The following VCL variants were observed in gnomAD, a reference collection of about 807,000 sequenced individuals.
VCL encodes the protein vinculin, also known as epididymis luminal protein 114.
Under a neutral mutation model 125.7 loss-of-function variants are expected in VCL, and 47 were observed. That is an observed-to-expected ratio of 0.37 (90% CI 0.30 to 0.48). VCL has a LOEUF of 0.48. Ranked by LOEUF, VCL falls within the 20% of genes least tolerant of loss-of-function variation. The pLI is 0.99. For synonymous variants in VCL, 458 were observed against 514.6 expected (o/e 0.89, Z 1.49); for missense variants, 1,069 against 1,455.5 (o/e 0.73, Z 4.32).
intron 8 of VCL, among the ~76,000 whole-genome samples, chr10:74,087,299 TTTTA>T (rs1042392021): frequency 4.0e-5 from 6 of 149,648 alleles, no homozygotes; most frequent in South Asian, 4.2e-4. Context: ...AACAGAATAA[TTTTA>T]TTTATTTATT....
In VCL at chr10:74,071,120, A is replaced by T. The variant is rs769309723; in HGVS notation, c.499+37A>T. 18 of 1,601,100 alleles carry T rather than the reference A, an allele frequency of 1.1e-5. No homozygotes were observed. The South Asian group carries it at 2.0e-4, about 18-fold the overall frequency. On this transcript the variant is annotated intron_variant, in intron 4 of 21. Coordinates refer to ENST00000211998, the MANE Select transcript of VCL (RefSeq NM_014000.3). This position sits in a 1 kb window ranked among gnomAD's most constrained non-coding sequence, Gnocchi z 4.1. ...CCAATTTCTATAACATTTTTTAAGGATTGTCCATGTTGGAGCCAAAGGAAA... is the reference window on the plus strand; with the variant it reads ...CCAATTTCTATAACATTTTTTAAGGTTTGTCCATGTTGGAGCCAAAGGAAA...
chr10:74,057,662 G>A (rs1476233992), intron 2 of VCL, among the ~76,000 whole-genome samples: 3 of 152,142 alleles, frequency 2.0e-5, no homozygotes, highest in Non-Finnish European at 2.9e-5. Flanking sequence ...GCCAGGTGTG[G>A]TGGCTCACGT....
At chr10:74,102,927 C>T (rs1840081368) in intron 14 of VCL, among the ~76,000 whole-genome samples, 1 of 151,742 alleles carries the variant, frequency 6.6e-6, no homozygotes, top group African/African-American at 2.4e-5. Flanking sequence ...AGTGCAGTGG[C>T]ATGATCTTGG....
chr10:74,069,563 A>T (rs980518054), intron 2 of VCL, among the ~76,000 whole-genome samples: 3 of 152,172 alleles, frequency 2.0e-5, no homozygotes, highest in African/African-American at 7.2e-5. Context: ...TTATCCTCAA[A>T]AGAACCTGGT....
At chr10:74,089,818 G>C (rs1460805117) in intron 9 of VCL, among the ~76,000 whole-genome samples, 2 of 152,176 alleles carry the variant, frequency 1.3e-5, no homozygotes, top group African/African-American at 4.8e-5. Flanking sequence ...AATATTTTAT[G>C]CTAATGGGTG....
intron 1 of VCL, among the ~76,000 whole-genome samples, chr10:74,019,548 G>A (rs931995900): frequency 3.3e-5 from 5 of 152,112 alleles, no homozygotes; most frequent in Non-Finnish European, 7.3e-5. Context: ...ACTGGGGTTG[G>A]AGAGCCATCC....
intron 2 of VCL, among the ~76,000 whole-genome samples, chr10:74,049,164 C>T (rs758366257): frequency 2.6e-5 from 4 of 152,034 alleles, no homozygotes; most frequent in African/African-American, 9.7e-5. Flanking sequence ...TTTAAGTTCA[C>T]GTGTATAATA....
chr10:74,042,379 GT>G (rs1222406279), intron 1 of VCL, among the ~76,000 whole-genome samples: 1 of 152,046 alleles, frequency 6.6e-6, no homozygotes, highest in Admixed American at 6.6e-5. Flanking sequence ...TGCTTATAAG[GT>G]ATATTCTCAT....
At position 74,103,322 on chromosome 10, in the gene VCL, C is replaced by T. The variant is rs568960200; in HGVS notation, c.2023-498C>T. On this transcript the variant is annotated intron_variant, in intron 14 of 21. Transcript: ENST00000211998. ...ATCCTTTTTTCCCCAAATGCTGTAA[C>T]TGACTGGCCAGGACCTCTTGAGCAG... is the stretch of plus-strand genomic sequence containing the variant. 2.6e-5 allele frequency among the ~76,000 whole-genome samples: 4 copies of T among 152,310 alleles called. No homozygotes were observed. In the East Asian group the frequency reaches 7.7e-4, roughly 29 times the overall value.
Position 74,014,662 on chromosome 10 carries a change from T to C in VCL, c.168+16287T>C, listed in dbSNP as rs562734429. 7.9e-5 allele frequency among the ~76,000 whole-genome samples: 12 copies of C among 152,216 alleles called. No homozygotes were observed. In the South Asian group the frequency reaches 2.5e-3, roughly 32 times the overall value. On this transcript the variant is annotated intron_variant, in intron 1 of 21. Transcript: ENST00000211998. ...TTCCAGGTAGAGTTGAGAAATATTA[T>C]GCATTTGTGAAATACAATTCATCAT... is the stretch of plus-strand genomic sequence containing the variant.
chr10:74,021,874 A>T (rs186851880), intron 1 of VCL, among the ~76,000 whole-genome samples: 2 of 151,856 alleles, frequency 1.3e-5, no homozygotes, highest in African/African-American at 4.8e-5. Context: ...CTTTCCTTTT[A>T]CATCTTTTTT....
chr10:74,095,162 T>C (rs1347376657), intron 11 of VCL, among the ~76,000 whole-genome samples: 1 of 152,216 alleles, frequency 6.6e-6, no homozygotes, highest in Non-Finnish European at 1.5e-5. Flanking sequence ...AGAAGTTGCA[T>C]ACAGGAATAT....
At chr10:74,022,181 TG>T (rs1840682078) in intron 1 of VCL, among the ~76,000 whole-genome samples, 1 of 152,136 alleles carries the variant, frequency 6.6e-6, no homozygotes, top group African/African-American at 2.4e-5. Flanking sequence ...CTAAGAATAG[TG>T]TTTGCATTTA....
chr10:73,998,395 C>CGCGGGA lies in VCL; in HGVS notation c.168+26_168+31dup, dbSNP rs1565628968. 1 of 1,458,622 alleles carries CGCGGGA rather than the reference C, an allele frequency of 6.9e-7. No individual in the cohort carries two copies. The highest frequency in any genetic ancestry group is 1.5e-5 in the African/African-American group (1 of 67,508). The allele number at this position is 1,458,622 out of a possible 1,614,324, so 90.4% of individuals were successfully genotyped here. On this transcript the variant is annotated intron_variant, in intron 1 of 21. Transcript: ENST00000211998. Reference sequence around the variant, plus strand: ...GTCCGGGTGAGCGCGCAGGGCCTGGCGCGGGAGCGGGCGCGGGAGGTATCC... The same window carrying CGCGGGA: ...GTCCGGGTGAGCGCGCAGGGCCTGGCGCGGGAGCGGGAGCGGGCGCGGGAGGTATCC...
At chr10:73,999,132 C>T (rs1320771882) in intron 1 of VCL, among the ~76,000 whole-genome samples, 1 of 152,208 alleles carries the variant, frequency 6.6e-6, no homozygotes, top group Non-Finnish European at 1.5e-5. Flanking sequence ...GACATTTTCA[C>T]CTGGCGTTAC....
rs912301054 is a variant in VCL at position 74,095,641 on chromosome 10, T to C, written c.1544-15T>C. On this transcript the variant is annotated splice_polypyrimidine_tract_variant and intron_variant, in intron 11 of 21. Transcript: ENST00000211998. ...TCTGGGTCTTGTAAGTTTCATTGTTTTTCTCTTGGTCCAGGTCAGGCTGCC... is the reference window on the plus strand; with the variant it reads ...TCTGGGTCTTGTAAGTTTCATTGTTCTTCTCTTGGTCCAGGTCAGGCTGCC... The C allele has an allele frequency of 1.6e-5, 26 of 1,613,294 alleles. No homozygotes were observed. Among genetic ancestry groups the C allele is most frequent in the Non-Finnish European group, 2.2e-5 (26 of 1,180,038 alleles).
At chr10:74,098,404 T>A (rs1359147204) in intron 13 of VCL, among the ~76,000 whole-genome samples, 1 of 152,232 alleles carries the variant, frequency 6.6e-6, no homozygotes, top group Non-Finnish European at 1.5e-5. Context: ...TTTTGGTTTG[T>A]CTGTCTCCCT....
intron 1 of VCL, among the ~76,000 whole-genome samples, chr10:74,008,737 G>A (rs751967488): frequency 6.6e-6 from 1 of 152,098 alleles, no homozygotes; most frequent in Non-Finnish European, 1.5e-5. Context: ...CCAGCATTAG[G>A]GCAGTATCAA....
At chr10:74,055,799 T>G (rs767703301) in intron 2 of VCL, among the ~76,000 whole-genome samples, 3 of 152,162 alleles carry the variant, frequency 2.0e-5, no homozygotes, top group Non-Finnish European at 4.4e-5. Flanking sequence ...GGAAGGACTG[T>G]GGAGCTGATG....
Sources: gnomAD v4.1 joint callset for allele counts (sites outside exome capture counted in the v4.1 genomes callset) on GRCh38, gnomAD v4.1.1 for gene constraint, Gnocchi (gnomAD v3.1) non-coding constraint, MANE v1.5 for transcripts, NCBI Gene and HGNC (gene_info 2026-07-23, HGNC 2026-07-21) for gene names.